CAMTA1: variants seen among roughly 807,000 people sequenced by gnomAD.
CAMTA1 encodes calmodulin-binding transcription activator 1.
Under a neutral mutation model 170.9 loss-of-function variants are expected in CAMTA1, and 27 were observed. That is an observed-to-expected ratio of 0.16 (90% CI 0.12 to 0.22). CAMTA1 has a LOEUF of 0.22. Among genes scored for constraint, CAMTA1 ranks in the 10% least tolerant of loss-of-function variants. The probability of loss-of-function intolerance (pLI) is 1.00; values close to 1 mark genes in which losing one functional copy is unlikely to be tolerated. For synonymous variants in CAMTA1, 833 were observed against 891.5 expected, an observed-to-expected ratio of 0.93 and a Z score of 1.17; for missense variants, 1,619 against 2,217.2, an observed-to-expected ratio of 0.73 and a Z score of 5.42.
intron 3 of CAMTA1, among the ~76,000 whole-genome samples, chr1:6,985,488 A>G (rs1450907771): frequency 1.3e-5 from 2 of 152,272 alleles, no homozygotes; most frequent in African/African-American, 4.8e-5. Context: ...GAACCATTAT[A>G]TCACCCTACT....
chr1:7,380,513 G>A (rs1328960648), intron 5 of CAMTA1, among the ~76,000 whole-genome samples: 3 of 152,192 alleles, frequency 2.0e-5, no homozygotes, highest in Non-Finnish European at 1.5e-5. Flanking sequence ...CATGGCGGTT[G>A]CAGTGAGCCG....
At chr1:7,496,446 C>T (rs1190075294) in intron 6 of CAMTA1, among the ~76,000 whole-genome samples, 1 of 152,148 alleles carries the variant, frequency 6.6e-6, no homozygotes, top group Non-Finnish European at 1.5e-5. Context: ...TCTGTGTCCC[C>T]CAACCTGTCA....
At chr1:7,533,194 C>T (rs1324435814) in intron 6 of CAMTA1, among the ~76,000 whole-genome samples, 4 of 152,166 alleles carry the variant, frequency 2.6e-5, no homozygotes, top group Admixed American at 6.5e-5. Flanking sequence ...CCCTGCTGCA[C>T]GTGCCGGATG....
intron 5 of CAMTA1, 30 bp from the exon 6 acceptor site, chr1:7,467,800 A>G: frequency 6.3e-7 from 1 of 1,578,584 alleles, no homozygotes; most frequent in Non-Finnish European, 8.7e-7. Flanking sequence ...CCTCTTTCCA[A>G]CTGAATTCTC....
chr1:6,815,364 C>T (rs1023597614), intron 1 of CAMTA1, among the ~76,000 whole-genome samples: 5 of 152,160 alleles, frequency 3.3e-5, no homozygotes, highest in African/African-American at 1.2e-4. Flanking sequence ...AGTACCACAC[C>T]TGGCTAATAT....
intron 5 of CAMTA1, among the ~76,000 whole-genome samples, chr1:7,415,857 A>C (rs1363996720): frequency 2.6e-5 from 4 of 152,138 alleles, no homozygotes; most frequent in African/African-American, 9.7e-5. Flanking sequence ...CCTAGCCTTG[A>C]TGGTCTTTAC....
intron 5 of CAMTA1, among the ~76,000 whole-genome samples, chr1:7,274,280 A>G (rs1423442526): frequency 1.3e-5 from 2 of 152,166 alleles, no homozygotes; most frequent in African/African-American, 4.8e-5. Flanking sequence ...TAGAGTGTGC[A>G]AATACTAACC....
At chr1:6,939,765 G>A (rs1409004218) in intron 3 of CAMTA1, among the ~76,000 whole-genome samples, 2 of 152,234 alleles carry the variant, frequency 1.3e-5, no homozygotes, top group African/African-American at 2.4e-5. Flanking sequence ...CCTTCGTCAC[G>A]GCGCAGGGCT....
At chr1:7,260,516 A>G (rs141208087) in intron 5 of CAMTA1, among the ~76,000 whole-genome samples, 1 of 152,310 alleles carries the variant, frequency 6.6e-6, no homozygotes, top group African/African-American at 2.4e-5. Context: ...GCACTGCTTC[A>G]TGGCATTGTA....
intron 3 of CAMTA1, among the ~76,000 whole-genome samples, chr1:7,046,353 A>T (rs1705373519): frequency 6.6e-6 from 1 of 152,208 alleles, no homozygotes. Context: ...GGAGGCCAGG[A>T]TACCAGAGCC....
chr1:6,954,650 A>G (rs1689112407), intron 3 of CAMTA1, among the ~76,000 whole-genome samples: 1 of 152,214 alleles, frequency 6.6e-6, no homozygotes, highest in Non-Finnish European at 1.5e-5. Flanking sequence ...CTCTTGCTCA[A>G]GGCCACACAG....
intron 4 of CAMTA1, among the ~76,000 whole-genome samples, chr1:7,191,257 T>C (rs778231829): frequency 3.3e-5 from 5 of 152,216 alleles, no homozygotes; most frequent in Non-Finnish European, 5.9e-5. Context: ...TGTTCTGAAT[T>C]CTAGATGTAA....
At chr1:7,725,978 C>T (rs561664178) in intron 11 of CAMTA1, among the ~76,000 whole-genome samples, 8 of 152,270 alleles carry the variant, frequency 5.3e-5, no homozygotes, top group African/African-American at 1.4e-4. Context: ...TCACAGCACA[C>T]GGCCTCTAGC....
intron 3 of CAMTA1, among the ~76,000 whole-genome samples, chr1:6,963,156 C>T (rs1690806813): frequency 2.0e-5 from 3 of 151,508 alleles, no homozygotes; most frequent in East Asian, 2.0e-4. Flanking sequence ...GACCCAGCTC[C>T]TTGGCAGGCT....
chr1:7,710,938 G>C (rs988947443), intron 11 of CAMTA1, among the ~76,000 whole-genome samples: 2 of 152,110 alleles, frequency 1.3e-5, no homozygotes, highest in Admixed American at 1.3e-4. Context: ...TGAATAAGGG[G>C]ACATGGTCCT....
chr1:7,548,920 T>G (rs2094754264), intron 6 of CAMTA1, among the ~76,000 whole-genome samples: 1 of 131,560 alleles, frequency 7.6e-6, no homozygotes, highest in African/African-American at 2.8e-5. Context: ...GGGTGCCCCT[T>G]AGGAGTGGAA....
intron 3 of CAMTA1, among the ~76,000 whole-genome samples, chr1:6,981,677 C>T (rs528378622): frequency 1.3e-5 from 2 of 152,292 alleles, no homozygotes; most frequent in East Asian, 1.9e-4. Flanking sequence ...TTCAAGTGAT[C>T]CTCCTACCTC....
Position 7,484,147 on chromosome 1 carries a change from A to G in CAMTA1, c.510+16246A>G, listed in dbSNP as rs114444693. On this transcript the variant is annotated intron_variant, in intron 6 of 22. Coordinates refer to ENST00000303635, the MANE Select transcript of CAMTA1 (RefSeq NM_015215.4). ...CGTGGCCTGGGGCCGCAGGGCCATC[A>G]CCAGCTCATCCCAGGGCAGACCCGG... Among the ~76,000 whole-genome samples, 646 of 152,252 alleles carry G rather than the reference A, an allele frequency of 4.2e-3. 3 individuals are homozygous for G. The highest frequency in any genetic ancestry group is 0.015 in the African/African-American group (622 of 41,558).
chr1:7,655,648 C>A (rs1461266417), intron 7 of CAMTA1, among the ~76,000 whole-genome samples: 4 of 151,046 alleles, frequency 2.6e-5, no homozygotes, highest in Non-Finnish European at 4.4e-5. Context: ...ACACACACTA[C>A]ACACCCACAC....
Sources: allele counts gnomAD v4.1 joint callset (sites outside exome capture counted in the v4.1 genomes callset), GRCh38; gene constraint gnomAD v4.1.1; transcripts MANE v1.5; gene names NCBI Gene and HGNC (gene_info 2026-07-23, HGNC 2026-07-21).